TCF12: variants seen among roughly 807,000 people sequenced by gnomAD.
TCF12 encodes the protein transcription factor 12.
Under a neutral mutation model 86.0 loss-of-function variants are expected in TCF12, and 45 were observed. The ratio of observed to expected loss-of-function variants is 0.52; its 90% CI spans 0.41 to 0.67. The LOEUF (loss-of-function observed/expected upper bound fraction) is 0.67, where lower values mean the gene tolerates loss of function less well. TCF12 is among the 30% of genes least tolerant of loss of function. The pLI is 0.00. For missense variants in TCF12, 881 were observed against 859.9 expected (o/e 1.02, Z -0.31); for synonymous variants, 330 against 299.6 (o/e 1.10, Z -1.05).
At chr15:56,945,862 C>G (rs1295742946) in intron 3 of TCF12, among the ~76,000 whole-genome samples, 6 of 152,128 alleles carry the variant, frequency 3.9e-5, no homozygotes, top group Non-Finnish European at 8.8e-5. Flanking sequence ...TTTGTTACCT[C>G]AAGAATGAGT....
Position 57,271,401 on chromosome 15 carries a change from C to T in TCF12, c.1746-1629C>T, listed in dbSNP as rs559512042. The stretch of plus-strand genomic sequence containing the variant: ...GGCCTGGGACCCACCAGGCCAGGCA[C>T]GGGAGGGAATCTCCTGGTCTGCTGG... On this transcript the variant is annotated intron_variant, in intron 18 of 20. Coordinates refer to ENST00000333725, the MANE Select transcript of TCF12 (RefSeq NM_207037.2). Among the ~76,000 whole-genome samples the T allele has an allele frequency of 7.2e-5, 11 of 152,354 alleles. No individual in the cohort carries two copies. The South Asian group carries it at 1.0e-3, about 14-fold the overall frequency.
At chr15:56,993,263 A>G (rs887510395) in intron 3 of TCF12, among the ~76,000 whole-genome samples, 2 of 152,172 alleles carry the variant, frequency 1.3e-5, no homozygotes, top group Non-Finnish European at 2.9e-5. Flanking sequence ...TGTCTTCTCC[A>G]TCTCTCATGC....
intron 3 of TCF12, among the ~76,000 whole-genome samples, chr15:56,997,818 G>T (rs144039271): frequency 0.011 from 1,750 of 152,200 alleles, 32 homozygotes; most frequent in African/African-American, 0.039. Flanking sequence ...CTGTCTATTG[G>T]AAACTTACTT....
At chr15:57,042,883 A>G (rs1225405274) in intron 3 of TCF12, among the ~76,000 whole-genome samples, 2 of 152,202 alleles carry the variant, frequency 1.3e-5, no homozygotes, top group South Asian at 2.1e-4. Flanking sequence ...TTCATCTTGC[A>G]TGACTGAAAC....
chr15:57,227,382 G>A (rs921582260), intron 8 of TCF12, among the ~76,000 whole-genome samples: 1 of 152,088 alleles, frequency 6.6e-6, no homozygotes, highest in Non-Finnish European at 1.5e-5. Context: ...TGAATTTGGG[G>A]TTATCCATAT....
intron 3 of TCF12, among the ~76,000 whole-genome samples, chr15:57,007,897 CCTTCCTTCCTTCCTTCCTCTTTCTTTG>C (rs2064549851): frequency 2.5e-5 from 2 of 78,654 alleles, no homozygotes; most frequent in African/African-American, 1.1e-4. Flanking sequence ...TTCCTTCCTT[CCTTCCTTCCTTCCTTCCTCTTTCTTTG>C]TTTCTTTGTT....
rs540555531 is a variant in TCF12 at position 57,115,029 on chromosome 15, A to G, written c.325+23138A>G. ...AGCAGTTTTAAACAATTCTCAAACA[A>G]TTAAATGTCTGATTGAGCTTTGGTT... is the stretch of plus-strand genomic sequence containing the variant. On this transcript the variant is annotated intron_variant, in intron 5 of 20. Coordinates refer to ENST00000333725, the MANE Select transcript of TCF12 (RefSeq NM_207037.2). Among the ~76,000 whole-genome samples, 14 of 152,306 alleles carry G rather than the reference A, an allele frequency of 9.2e-5. No homozygotes were observed. In the South Asian group the frequency reaches 2.7e-3, roughly 29 times the overall value.
chr15:57,149,044 T>G (rs1354751155), intron 5 of TCF12, among the ~76,000 whole-genome samples: 1 of 152,234 alleles, frequency 6.6e-6, no homozygotes, highest in Non-Finnish European at 1.5e-5. Flanking sequence ...TTTTTCAGTA[T>G]AAATTTTACT....
At chr15:57,067,376 T>G (rs1346805947) in intron 4 of TCF12, among the ~76,000 whole-genome samples, 2 of 150,960 alleles carry the variant, frequency 1.3e-5, no homozygotes, top group African/African-American at 4.9e-5. Context: ...CCGTCTCTAC[T>G]AAAAATACAA....
intron 3 of TCF12, among the ~76,000 whole-genome samples, chr15:56,942,537 G>C (rs772526916): frequency 5.3e-5 from 8 of 152,138 alleles, no homozygotes; most frequent in Non-Finnish European, 7.4e-5. Flanking sequence ...GTTTAGAAGA[G>C]GGTATTATAA....
intron 5 of TCF12, among the ~76,000 whole-genome samples, chr15:57,117,134 C>T (rs1392780057): frequency 6.7e-6 from 1 of 150,304 alleles, no homozygotes; most frequent in African/African-American, 2.5e-5. Context: ...CATTTTGAGA[C>T]AGGGTTTTGC....
intron 20 of TCF12, 102 bp from the exon 21 acceptor site, chr15:57,286,055 G>A (rs1157286779): frequency 2.0e-5 from 3 of 152,812 alleles, no homozygotes; most frequent in African/African-American, 7.2e-5. Flanking sequence ...TATAGATGAG[G>A]AATACCAGCA....
Position 56,941,725 on chromosome 15 carries a change from A to G in TCF12, c.148+20627A>G, listed in dbSNP as rs990540376. Among the ~76,000 whole-genome samples the G allele has an allele frequency of 5.4e-5, 8 of 148,752 alleles. No homozygotes were observed. In the Admixed American group the frequency reaches 5.4e-4, roughly 10 times the overall value. On this transcript the variant is annotated intron_variant, in intron 3 of 20. Coordinates refer to ENST00000333725, the MANE Select transcript of TCF12 (RefSeq NM_207037.2). ...ATTAGGAATTGAGTTGACTGCTCTGATATGGAGAGACCTGTTAGTCTTGTA... is the reference window on the plus strand; with the variant it reads ...ATTAGGAATTGAGTTGACTGCTCTGGTATGGAGAGACCTGTTAGTCTTGTA...
At chr15:57,012,212 T>G (rs979716339) in intron 3 of TCF12, among the ~76,000 whole-genome samples, 4 of 152,170 alleles carry the variant, frequency 2.6e-5, no homozygotes, top group Admixed American at 6.5e-5. Flanking sequence ...TAATCTAACA[T>G]TTAATATACT....
intron 3 of TCF12, among the ~76,000 whole-genome samples, chr15:56,989,316 C>T (rs929957931): frequency 6.6e-6 from 1 of 152,142 alleles, no homozygotes; most frequent in Non-Finnish European, 1.5e-5. Context: ...CCTGCAAAGC[C>T]TAAGATATTT....
intron 3 of TCF12, among the ~76,000 whole-genome samples, chr15:56,989,673 G>T (rs555018822): frequency 6.6e-6 from 1 of 152,292 alleles, no homozygotes; most frequent in Non-Finnish European, 1.5e-5. Flanking sequence ...GAATCAGTTT[G>T]CTGGTTTCTA....
At chr15:56,937,485 G>A (rs1422944465) in intron 3 of TCF12, among the ~76,000 whole-genome samples, 2 of 151,758 alleles carry the variant, frequency 1.3e-5, no homozygotes, top group Admixed American at 6.6e-5. Flanking sequence ...CTAAGTGTAC[G>A]ATCATATCAT....
chr15:57,282,728 T>G, intron 20 of TCF12, 130 bp downstream of exon 20: 1 of 1,149,802 alleles, frequency 8.7e-7, no homozygotes, highest in Non-Finnish European at 1.2e-6. Context: ...ATTTGAAATA[T>G]AACAGTTTGT....
intron 3 of TCF12, among the ~76,000 whole-genome samples, chr15:56,956,749 C>G (rs1010013689): frequency 2.0e-5 from 3 of 151,948 alleles, no homozygotes; most frequent in Admixed American, 6.5e-5. Context: ...TAATGATAGT[C>G]TTATCTTTAT....
Sources: gnomAD v4.1 joint callset for allele counts (sites outside exome capture counted in the v4.1 genomes callset) on GRCh38, gnomAD v4.1.1 for gene constraint, MANE v1.5 for transcripts, NCBI Gene and HGNC (gene_info 2026-07-23, HGNC 2026-07-21) for gene names.